DPYSL3: variants seen among roughly 807,000 people sequenced by gnomAD.
DPYSL3 encodes dihydropyrimidinase-related protein 3.
Under a neutral mutation model 66.1 loss-of-function variants are expected in DPYSL3, and 16 were observed. That is an observed-to-expected ratio of 0.24 (90% confidence interval 0.16 to 0.37). The LOEUF (loss-of-function observed/expected upper bound fraction) is 0.37. Among genes scored for constraint, DPYSL3 ranks in the 10% least tolerant of loss-of-function variants. The pLI, the probability that DPYSL3 is intolerant of heterozygous loss-of-function variation, is 1.00. For missense variants in DPYSL3, 738 were observed against 916.2 expected (o/e 0.81, Z 2.51); for synonymous variants, 338 against 345.1 (o/e 0.98, Z 0.23).
intron 1 of DPYSL3, among the ~76,000 whole-genome samples, chr5:147,462,760 G>C (rs999217381): frequency 1.3e-5 from 2 of 152,078 alleles, no homozygotes; most frequent in Non-Finnish European, 2.9e-5. Flanking sequence ...AACCACTTTG[G>C]CCCTATGATT....
chr5:147,443,077 T>C (rs1446443689), intron 1 of DPYSL3, among the ~76,000 whole-genome samples: 1 of 152,236 alleles, frequency 6.6e-6, no homozygotes, highest in East Asian at 1.9e-4. Flanking sequence ...ACTTGGGTGT[T>C]GGTTTTATTA....
intron 1 of DPYSL3, among the ~76,000 whole-genome samples, chr5:147,461,920 G>C (rs1334269512): frequency 6.6e-6 from 1 of 152,092 alleles, no homozygotes; most frequent in Non-Finnish European, 1.5e-5. Flanking sequence ...CAAGCAGAAA[G>C]CTCCAAAACC....
intron 8 of DPYSL3, among the ~76,000 whole-genome samples, chr5:147,403,609 T>C (rs556444133): frequency 6.4e-4 from 98 of 152,246 alleles, no homozygotes; most frequent in Middle Eastern, 3.4e-3. Flanking sequence ...CCTCATTAAA[T>C]TGTAGCTTTC....
At position 147,423,465 on chromosome 5, in the gene DPYSL3, G is replaced by A. The variant is rs558940277; in HGVS notation, c.470+1410C>T. ...TAATAGTACAGTACTTACTTCAGAG[G>A]GCTGCTGGCTGATTGAGAGAAAGCA... On this transcript the variant is annotated intron_variant, in intron 2 of 13. Transcript: ENST00000343218. 1.2e-4 allele frequency among the ~76,000 whole-genome samples: 19 copies of A among 152,212 alleles called. 1 individual carries two copies. In the South Asian group the frequency reaches 3.9e-3, roughly 32 times the overall value.
At position 147,470,902 on chromosome 5, in the gene DPYSL3, G is replaced by A. The variant is rs770663119; in HGVS notation, c.381+38576C>T. On this transcript the variant is annotated intron_variant, in intron 1 of 13. Transcript: ENST00000343218. ...GCTTCTCAGAGCCCCTGCTGACCTC[G>A]GTCCTCCACCTATAAAGTATGTTAT... 4.6e-5 allele frequency among the ~76,000 whole-genome samples: 7 copies of A among 151,954 alleles called. 1 individual carries two copies. Among genetic ancestry groups the A allele is most frequent in the Admixed American group, 2.0e-4 (3 of 15,256 alleles).
chr5:147,463,243 G>A (rs551241316), intron 1 of DPYSL3, among the ~76,000 whole-genome samples: 1 of 152,252 alleles, frequency 6.6e-6, no homozygotes, highest in East Asian at 1.9e-4. Context: ...CCATCTTGGT[G>A]AGTAGAGCAA....
At chr5:147,496,035 T>C (rs1278712211) in intron 1 of DPYSL3, among the ~76,000 whole-genome samples, 1 of 152,216 alleles carries the variant, frequency 6.6e-6, no homozygotes, top group African/African-American at 2.4e-5. Context: ...AGCATGGTAC[T>C]GGTACCAAAA....
At chr5:147,430,916 A>G (rs1171217247) in intron 1 of DPYSL3, among the ~76,000 whole-genome samples, 1 of 152,166 alleles carries the variant, frequency 6.6e-6, no homozygotes, top group Non-Finnish European at 1.5e-5. Context: ...CTCAGAGTAA[A>G]AACTATAATC....
chr5:147,458,679 C>T (rs1752887959), intron 1 of DPYSL3, among the ~76,000 whole-genome samples: 1 of 152,074 alleles, frequency 6.6e-6, no homozygotes. Flanking sequence ...TAAAGAGAGA[C>T]CAGTAAGCCT....
chr5:147,413,287 C>T (rs1377803629), intron 5 of DPYSL3, among the ~76,000 whole-genome samples: 1 of 152,192 alleles, frequency 6.6e-6, no homozygotes, highest in African/African-American at 2.4e-5. Context: ...CGAAGAGCCT[C>T]ACACTTTCAC....
In DPYSL3 at chr5:147,445,756, T is replaced by C. The variant is rs139350677; in HGVS notation, c.382-20793A>G. Among the ~76,000 whole-genome samples, 109 of 152,308 alleles carry C rather than the reference T, an allele frequency of 7.2e-4. 2 individuals are homozygous for C. Among genetic ancestry groups the C allele is most frequent in the Admixed American group, 6.2e-3 (95 of 15,294 alleles). On this transcript the variant is annotated intron_variant, in intron 1 of 13. Coordinates refer to ENST00000343218, the MANE Select transcript of DPYSL3 (RefSeq NM_001197294.2). ...TGTTTTCTTGTTTGTTTGGCCAGTCTAGATTTTGGGCAATTATCGCCTTCA... is the reference window on the plus strand; with the variant it reads ...TGTTTTCTTGTTTGTTTGGCCAGTCCAGATTTTGGGCAATTATCGCCTTCA...
intron 1 of DPYSL3, among the ~76,000 whole-genome samples, chr5:147,427,797 C>T (rs1752224068): frequency 6.6e-6 from 1 of 152,144 alleles, no homozygotes; most frequent in Admixed American, 6.5e-5. Flanking sequence ...ACAGGAACTT[C>T]ATAATAATAA....
chr5:147,395,382 C>T (rs1414669821), intron 13 of DPYSL3, among the ~76,000 whole-genome samples, 177 bp downstream of exon 13: 1 of 152,140 alleles, frequency 6.6e-6, no homozygotes, highest in African/African-American at 2.4e-5. Flanking sequence ...TTACCAGGAC[C>T]CCTTGTCAAT....
In DPYSL3 at chr5:147,497,813, A is replaced by C. The variant is rs573161106; in HGVS notation, c.381+11665T>G. On this transcript the variant is annotated intron_variant, in intron 1 of 13. Coordinates refer to ENST00000343218, the MANE Select transcript of DPYSL3 (RefSeq NM_001197294.2). ...GCTAACATCATATTTAATGGTGAGA[A>C]ACTCAAAGCTTTCCTACTAAGATTA... Among the ~76,000 whole-genome samples, 7 of 152,264 alleles carry C rather than the reference A, an allele frequency of 4.6e-5. No homozygotes were observed. In the South Asian group the frequency reaches 1.5e-3, roughly 32 times the overall value.
intron 12 of DPYSL3, 78 bp from the exon 13 acceptor site, chr5:147,395,799 G>C: frequency 6.6e-7 from 1 of 1,520,990 alleles, no homozygotes; most frequent in Non-Finnish European, 8.9e-7. Context: ...AAATATATTA[G>C]TGAATACAGT....
intron 10 of DPYSL3, among the ~76,000 whole-genome samples, chr5:147,400,167 C>T (rs1325287012): frequency 6.6e-6 from 1 of 152,082 alleles, no homozygotes. Context: ...CTATTTCTTT[C>T]GTCAGTCCTT....
chr5:147,417,162 T>C (rs1166727625), intron 3 of DPYSL3, among the ~76,000 whole-genome samples: 2 of 152,178 alleles, frequency 1.3e-5, no homozygotes, highest in Non-Finnish European at 2.9e-5. Flanking sequence ...GAATCTGACT[T>C]CCCTAATGCA....
At chr5:147,507,246 A>G (rs1453006696) in intron 1 of DPYSL3, among the ~76,000 whole-genome samples, 1 of 152,200 alleles carries the variant, frequency 6.6e-6, no homozygotes, top group Non-Finnish European at 1.5e-5. Flanking sequence ...AATCATTAAA[A>G]TGTCTCATAA....
chr5:147,422,228 TG>T (rs1293855155), intron 2 of DPYSL3, among the ~76,000 whole-genome samples: 19 of 152,226 alleles, frequency 1.2e-4, no homozygotes, highest in African/African-American at 4.3e-4. Flanking sequence ...GACATTCATG[TG>T]GCCAAAAAAC....
Sources: gnomAD v4.1 joint callset for allele counts (sites outside exome capture counted in the v4.1 genomes callset) on GRCh38, gnomAD v4.1.1 for gene constraint, MANE v1.5 for transcripts, NCBI Gene and HGNC (gene_info 2026-07-23, HGNC 2026-07-21) for gene names.